Variants in VAT1L observed in about 807,000 individuals in gnomAD.
VAT1L encodes vesicle amine transport 1 like.
In VAT1L, 34 loss-of-function variants were observed where a neutral mutation model predicts 44.1. The observed-to-expected ratio is 0.77, with a 90% CI of 0.59 to 1.03. The LOEUF is 1.03. Ranked by LOEUF, VAT1L falls within the 50% of genes least tolerant of loss-of-function variation. VAT1L has a pLI of 0.00. For synonymous variants in VAT1L, 253 were observed against 202.2 expected, an observed-to-expected ratio of 1.25 and a Z score of -2.13; for missense variants, 615 against 538.8, an observed-to-expected ratio of 1.14 and a Z score of -1.40.
intron 1 of VAT1L, among the ~76,000 whole-genome samples, chr16:77,792,533 A>C (rs537170005): frequency 2.0e-4 from 31 of 152,212 alleles, no homozygotes; most frequent in African/African-American, 7.5e-4. Flanking sequence ...TCTCACCTTG[A>C]AGCAAGGAAC....
intron 1 of VAT1L, chr16:77,799,943 T>A (rs2145212004): frequency 6.6e-6 from 1 of 152,158 alleles, no homozygotes; most frequent in South Asian, 2.1e-4. Flanking sequence ...GGAGAATGAG[T>A]AAATATATTA....
chr16:77,950,466 G>A (rs1376071014), intron 7 of VAT1L, among the ~76,000 whole-genome samples: 2 of 112,678 alleles, frequency 1.8e-5, no homozygotes, highest in Non-Finnish European at 3.8e-5. Flanking sequence ...AGTTATAATG[G>A]AGAAAATGAA....
rs2018363320 is a variant in VAT1L, at chr16:77,978,340, G to C, written c.*645G>C. The C allele has an allele frequency of 2.0e-5, 3 of 152,344 alleles. No homozygotes were observed. Among genetic ancestry groups the C allele is most frequent in the African/African-American group, 7.2e-5 (3 of 41,452 alleles). The allele number at this position is 152,344 out of a possible 1,614,324, so 9.4% of individuals were successfully genotyped here. ...CTGTAAACACAGGGAGGCAGGTATGGATTTTTCACAGTAGACAATGGGTCA... is the reference window on the plus strand; with the variant it reads ...CTGTAAACACAGGGAGGCAGGTATGCATTTTTCACAGTAGACAATGGGTCA... On this transcript the variant is annotated 3_prime_UTR_variant, in exon 9 of 9. Coordinates refer to ENST00000302536, the MANE Select transcript of VAT1L (RefSeq NM_020927.3).
intron 1 of VAT1L, among the ~76,000 whole-genome samples, chr16:77,802,633 CACACACACACA>C (rs2016083170): frequency 7.7e-6 from 1 of 129,344 alleles, no homozygotes; most frequent in Admixed American, 7.4e-5. Flanking sequence ...CACACACACA[CACACACACACA>C]CACACACACA....
intron 7 of VAT1L, among the ~76,000 whole-genome samples, chr16:77,898,722 C>T (rs2017350118): frequency 6.6e-6 from 1 of 152,182 alleles, no homozygotes; most frequent in Admixed American, 6.5e-5. Context: ...AGTCAAACCT[C>T]CCAGAGCTGG....
chr16:77,953,189 C>CT (rs1196434612), intron 7 of VAT1L, among the ~76,000 whole-genome samples: 1 of 152,158 alleles, frequency 6.6e-6, no homozygotes, highest in Non-Finnish European at 1.5e-5. Context: ...GGAAAAGATT[C>CT]TTTCTCAGAA....
chr16:77,917,893 A>C (rs1218467946), intron 7 of VAT1L, among the ~76,000 whole-genome samples: 2 of 152,166 alleles, frequency 1.3e-5, no homozygotes, highest in African/African-American at 4.8e-5. Flanking sequence ...CCAGAGATGG[A>C]AATCAGTTGA....
intron 2 of VAT1L, among the ~76,000 whole-genome samples, chr16:77,820,805 A>C (rs1409766416): frequency 6.6e-6 from 1 of 152,204 alleles, no homozygotes; most frequent in Non-Finnish European, 1.5e-5. Flanking sequence ...ACATAAATAA[A>C]GGCACTTAGC....
intron 7 of VAT1L, among the ~76,000 whole-genome samples, chr16:77,899,788 G>C (rs1380517680): frequency 6.6e-6 from 1 of 152,224 alleles, no homozygotes; most frequent in African/African-American, 2.4e-5. Flanking sequence ...GATGCGGAGA[G>C]CGGATGTGTT....
At chr16:77,938,737 C>T (rs769675047) in intron 7 of VAT1L, among the ~76,000 whole-genome samples, 37 of 152,302 alleles carry the variant, frequency 2.4e-4, no homozygotes, top group Non-Finnish European at 4.9e-4. Flanking sequence ...GCCAATTAAA[C>T]CTCTTTTCTT....
chr16:77,895,434 G>T (rs1037839402), intron 7 of VAT1L, among the ~76,000 whole-genome samples: 22 of 152,142 alleles, frequency 1.4e-4, no homozygotes, highest in African/African-American at 5.1e-4. Context: ...GAATACCCTG[G>T]ATCATGCAGA....
chr16:77,897,065 A>G (rs1359284277), intron 7 of VAT1L, among the ~76,000 whole-genome samples: 1 of 152,248 alleles, frequency 6.6e-6, no homozygotes, highest in East Asian at 1.9e-4. Context: ...GATTTTTCCA[A>G]GATATCTGTA....
chr16:77,861,706 C>A (rs1198461827), intron 3 of VAT1L, among the ~76,000 whole-genome samples: 1 of 152,188 alleles, frequency 6.6e-6, no homozygotes, highest in Non-Finnish European at 1.5e-5. Context: ...GCTGTGGGAG[C>A]CCACTTGACT....
chr16:77,919,149 T>C (rs577771244), intron 7 of VAT1L, among the ~76,000 whole-genome samples: 1 of 152,000 alleles, frequency 6.6e-6, no homozygotes, highest in South Asian at 2.1e-4. Context: ...TGTGTGTGCA[T>C]GCATGTGTGT....
intron 7 of VAT1L, among the ~76,000 whole-genome samples, chr16:77,889,231 C>T (rs756401884): frequency 6.6e-6 from 1 of 152,142 alleles, no homozygotes; most frequent in Non-Finnish European, 1.5e-5. Context: ...GAGCCTCAGA[C>T]TAGAAGATTT....
chr16:77,844,110 T>G (rs1017911228), intron 3 of VAT1L, among the ~76,000 whole-genome samples: 17 of 152,166 alleles, frequency 1.1e-4, no homozygotes, highest in Admixed American at 5.2e-4. Context: ...CACATATACA[T>G]ATTATACATA....
chr16:77,812,503 A>T (rs2016283431), intron 1 of VAT1L, among the ~76,000 whole-genome samples: 1 of 152,132 alleles, frequency 6.6e-6, no homozygotes, highest in South Asian at 2.1e-4. Context: ...ACTGTCATGT[A>T]CTGTCAGTGG....
chr16:77,866,532 G>A (rs2016976062), intron 4 of VAT1L, among the ~76,000 whole-genome samples: 1 of 151,228 alleles, frequency 6.6e-6, no homozygotes, highest in African/African-American at 2.4e-5. Flanking sequence ...GCCAACATGC[G>A]ATAGGAGTGG....
chr16:77,916,518 T>C (rs1017716212), intron 7 of VAT1L, among the ~76,000 whole-genome samples: 5 of 152,224 alleles, frequency 3.3e-5, no homozygotes, highest in African/African-American at 1.2e-4. Context: ...AGTCTTAATA[T>C]GTTGACCAGG....
Sources: allele counts gnomAD v4.1 joint callset (sites outside exome capture counted in the v4.1 genomes callset), GRCh38; gene constraint gnomAD v4.1.1; transcripts MANE v1.5; gene names NCBI Gene and HGNC (gene_info 2026-07-23, HGNC 2026-07-21).